The following COPA variants were observed in gnomAD, a reference collection of about 807,000 sequenced individuals.
The protein encoded by COPA is coatomer subunit alpha.
A neutral mutation model predicts 158.7 loss-of-function variants in COPA; 10 were observed. That is an observed-to-expected ratio of 0.06 (90% CI 0.04 to 0.11). COPA has a LOEUF of 0.11. Among genes scored for constraint, COPA ranks in the 10% least tolerant of loss-of-function variants. The pLI is 1.00. For synonymous variants in COPA, 462 were observed against 542.8 expected, an observed-to-expected ratio of 0.85 and a Z score of 2.07; for missense variants, 1,065 against 1,536.7, an observed-to-expected ratio of 0.69 and a Z score of 5.13.
Position 160,291,711 on chromosome 1 carries a change from T to C in COPA, c.3258+108A>G, listed in dbSNP as rs542810865. The C allele has an allele frequency of 2.8e-5, 35 of 1,245,828 alleles. No homozygotes were observed. The African/African-American group carries it at 4.5e-4, about 16-fold the overall frequency. 77.2% of individuals were successfully genotyped at this position (1,245,828 alleles called of 1,614,324 possible). A position where few individuals can be genotyped will look rare whatever the true frequency, so the allele number is the denominator to read the frequency against. On this transcript the variant is annotated intron_variant, in intron 30 of 32. Coordinates refer to ENST00000241704, the MANE Select transcript of COPA (RefSeq NM_004371.4). ...CCCTCATAGAAATGAAGGGCCTAAATTTCTCTTCATCCCCACTCAGATCTG... is the reference window on the plus strand; with the variant it reads ...CCCTCATAGAAATGAAGGGCCTAAACTTCTCTTCATCCCCACTCAGATCTG...
At chr1:160,291,120 G>T (rs1171204084) in intron 31 of COPA, among the ~76,000 whole-genome samples, 1 of 152,160 alleles carries the variant, frequency 6.6e-6, no homozygotes, top group East Asian at 1.9e-4. Context: ...AGGTTGCACG[G>T]CACTCTTAGA....
At chr1:160,317,596 T>C in intron 8 of COPA, 1 of 1,578,064 alleles carries the variant, frequency 6.3e-7, no homozygotes, top group Non-Finnish European at 8.7e-7. Context: ...CAGGTTTCTC[T>C]TTGAGGGTCA....
In COPA at chr1:160,291,909, A is replaced by T. The variant is rs780105530; in HGVS notation, c.3168T>A (p.Ile1056=). ...ACAAACCCACAATGTACTCACGGCAAATGGTGATGAGCTGCTGGGCCTGTA... is the reference window on the plus strand; with the variant it reads ...ACAAACCCACAATGTACTCACGGCATATGGTGATGAGCTGCTGGGCCTGTA... ...EIAEAQQLIT[I]CREYIVGLSV... The change falls in exon 30 of 33, where the codon ATT becomes ATA. Residue 1056 remains isoleucine (I), a synonymous_variant. Transcript: ENST00000241704. 2 of 1,614,098 alleles carry T rather than the reference A, an allele frequency of 1.2e-6. No individual in the cohort carries two copies. The highest frequency in any genetic ancestry group is 1.7e-6 in the Non-Finnish European group (2 of 1,180,034).
chr1:160,339,149 CAT>C lies in COPA; in HGVS notation c.228+758_228+759del, dbSNP rs144599934. The stretch of plus-strand genomic sequence containing the variant: ...TTGGCCCTTATTTCTCCTTATTGGC[CAT>C]CTCATTTATTTCTCCTTATTGGCCA... On this transcript the variant is annotated intron_variant, in intron 3 of 32. Transcript: ENST00000241704. Among the ~76,000 whole-genome samples the C allele has an allele frequency of 3.5e-3, 415 of 119,546 alleles. 3 individuals are homozygous for C. Among genetic ancestry groups the C allele is most frequent in the East Asian group, 0.03 (131 of 4,310 alleles). The allele number at this position is 119,546 out of a possible 152,430, so 78.4% of individuals were successfully genotyped here. A position where few individuals can be genotyped will look rare whatever the true frequency, so the allele number is the denominator to read the frequency against.
At chr1:160,327,236 A>G (rs2101865167) in intron 6 of COPA, among the ~76,000 whole-genome samples, 1 of 152,332 alleles carries the variant, frequency 6.6e-6, no homozygotes, top group Admixed American at 6.5e-5. Context: ...AAAAACTCTC[A>G]TTGAAAATAA....
rs1235570677 is a variant in COPA at position 160,293,408 on chromosome 1, G to A, written c.2732C>T (p.Thr911Ile). Residue 911 changes from threonine (T) to isoleucine (I), a missense_variant, in exon 26 of 33, where the codon ACC becomes ATC. Physicochemically the swap from Thr to Ile is moderately conservative, Grantham distance 89. This residue lies in a region of COPA where 980 missense variants were observed against 1,357.8 expected (regional missense o/e 0.72). Transcript: ENST00000241704. ...GAEDGFFVPP[T>I]KGTSPTQIWC... ...TACCTGAGTTGGACTTGTTCCCTTG[G>A]TTGGGGGCACAAAGAAACCATCTTC... 1.2e-6 allele frequency: 2 copies of A among 1,613,034 alleles called. No homozygotes were observed. The highest frequency in any genetic ancestry group is 2.2e-5 in the South Asian group (2 of 90,768).
At position 160,306,425 on chromosome 1, in the gene COPA, G is replaced by A. The variant is rs1658787878; in HGVS notation, c.1371C>T (p.Phe457=). 1 of 1,614,166 alleles carries A rather than the reference G, an allele frequency of 6.2e-7. No homozygotes were observed. Among genetic ancestry groups the A allele is most frequent in the Non-Finnish European group, 8.5e-7 (1 of 1,180,024 alleles). ...GCAGGAGATTGCCTGTGCCAGCATA[G>A]AAGATCTCATCACAGTTGGGCACCT... ...KVQVPNCDEI[F]YAGTGNLLLR... The change falls in exon 15 of 33, where the codon TTC becomes TTT. Residue 457 remains phenylalanine, a synonymous_variant. Coordinates refer to ENST00000241704, the MANE Select transcript of COPA (RefSeq NM_004371.4).
At chr1:160,293,058 C>T (rs1396077328) in intron 27 of COPA, 108 bp downstream of exon 27, 8 of 1,106,204 alleles carry the variant, frequency 7.2e-6, no homozygotes, top group Non-Finnish European at 1.1e-5. Context: ...GAAAAATATA[C>T]ACCTTTCCCC....
In COPA at chr1:160,293,188, C is replaced by T. The variant is rs1188958445; in HGVS notation, c.2801G>A (p.Gly934Asp). The T allele has an allele frequency of 6.2e-7, 1 of 1,614,056 alleles. No individual in the cohort carries two copies. The highest frequency in any genetic ancestry group is 1.3e-5 in the African/African-American group (1 of 74,914). ...SQLPVDHILA[G>D]SFETAMRLLH... Reference sequence around the variant, plus strand: ...TACCCGCATGGCTGTTTCGAAAGAGCCTGCCAGGATGTGATCAACTGGAAG... The same window carrying T: ...TACCCGCATGGCTGTTTCGAAAGAGTCTGCCAGGATGTGATCAACTGGAAG... Residue 934 changes from glycine to aspartate, a missense_variant, in exon 27 of 33, where the codon GGC becomes GAC. By Grantham distance (94) the Gly-to-Asp change is moderately conservative (BLOSUM62 -1). Coordinates refer to ENST00000241704, the MANE Select transcript of COPA (RefSeq NM_004371.4).
In COPA at chr1:160,291,998, C is replaced by G. The variant is rs374900234; in HGVS notation, c.3147+14G>C. The G allele has an allele frequency of 2.2e-5, 36 of 1,613,964 alleles. No individual in the cohort carries two copies. Among genetic ancestry groups the G allele is most frequent in the Non-Finnish European group, 3.1e-5 (36 of 1,179,980 alleles). The stretch of plus-strand genomic sequence containing the variant: ...GAAGTGCCCAGAACTGGGACAGCGG[C>G]TAGACCCTCCTACCTCTGCAATCTC... On this transcript the variant is annotated intron_variant, in intron 29 of 32. Coordinates refer to ENST00000241704, the MANE Select transcript of COPA (RefSeq NM_004371.4).
Position 160,292,576 on chromosome 1 carries a change from C to G in COPA, c.2868G>C (p.Lys956Asn). The change falls in exon 28 of 33, where the codon AAG becomes AAC. Residue 956 changes from lysine (K) to asparagine (N), a missense_variant. Around this residue, in one of 2 missense-constraint regions of COPA, gnomAD observed 980 missense variants for 1,357.8 expected, o/e 0.72. Transcript: ENST00000241704. ...GGGCGTATGTCTGTAGGAACAGTTG[C>G]TTGTAGGGGCCAAACTGGATTACCC... ...QVGVIQFGPYKQLFLQTYARG... is the reference protein window; with the variant it reads ...QVGVIQFGPYNQLFLQTYARG... The G allele has an allele frequency of 6.2e-7, 1 of 1,613,808 alleles. No individual in the cohort carries two copies. Among genetic ancestry groups the G allele is most frequent in the Non-Finnish European group, 8.5e-7 (1 of 1,179,922 alleles).
At chr1:160,330,119 C>T (rs1279140450) in intron 6 of COPA, among the ~76,000 whole-genome samples, 2 of 151,814 alleles carry the variant, frequency 1.3e-5, no homozygotes, top group African/African-American at 4.8e-5. Flanking sequence ...TCCCCACCGC[C>T]ACCCCCCCCA....
intron 31 of COPA, 96 bp downstream of exon 31, chr1:160,291,235 GTTAT>G: frequency 7.6e-7 from 1 of 1,317,992 alleles, no homozygotes; most frequent in East Asian, 2.3e-5. Flanking sequence ...GTTGAATGTT[GTTAT>G]TTATTGCTTT....
At position 160,313,001 on chromosome 1, in the gene COPA, T is replaced by C. The variant is rs939799025; in HGVS notation, c.925+84A>G. On this transcript the variant is annotated intron_variant, in intron 10 of 32. Transcript: ENST00000241704. ...TTCTTCTTGTCATCCTACTATACAT[T>C]TACTAGAGACAAAGCTAATAATCAC... 26 of 1,246,434 alleles carry C rather than the reference T, an allele frequency of 2.1e-5. No homozygotes were observed. The African/African-American group carries it at 3.9e-4, about 19-fold the overall frequency. The allele number at this position is 1,246,434 out of a possible 1,614,324, so 77.2% of individuals were successfully genotyped here. A position where few individuals can be genotyped will look rare whatever the true frequency, so the allele number is the denominator to read the frequency against.
rs769256606 is a variant in COPA at position 160,298,919 on chromosome 1, G to C, written c.1903C>G (p.Pro635Ala). 8 of 1,614,066 alleles carry C rather than the reference G, an allele frequency of 5.0e-6. No homozygotes were observed. The South Asian group carries it at 8.8e-5, about 18-fold the overall frequency. ...IIAYLQKKGY[P>A]EVALHFVKDE... ...TTGACAAAATGCAGTGCCACTTCAG[G>C]ATAGCCCTTCTTCTGGAGATAAGCA... is the stretch of plus-strand genomic sequence containing the variant. Residue 635 changes from proline (P) to alanine (A), a missense_variant, in exon 19 of 33, where the codon CCT becomes GCT. Physicochemically the swap from Pro to Ala is conservative, Grantham distance 27 (BLOSUM62 -1). Coordinates refer to ENST00000241704, the MANE Select transcript of COPA (RefSeq NM_004371.4).
intron 7 of COPA, 34 bp downstream of exon 7, chr1:160,325,509 C>T: frequency 1.3e-6 from 2 of 1,531,726 alleles, no homozygotes; most frequent in South Asian, 2.2e-5. Flanking sequence ...AAGATGACAG[C>T]CCATATTCAG....
At chr1:160,316,755 A>G (rs1659155347) in intron 8 of COPA, among the ~76,000 whole-genome samples, 1 of 152,102 alleles carries the variant, frequency 6.6e-6, no homozygotes, top group African/African-American at 2.4e-5. Context: ...TGTCTCAAAA[A>G]AAAAAAAAAA....
Position 160,306,454 on chromosome 1 carries a change from C to A in COPA, c.1342G>T (p.Val448Leu). The A allele has an allele frequency of 6.2e-7, 1 of 1,614,176 alleles. No homozygotes were observed. The highest frequency in any genetic ancestry group is 8.5e-7 in the Non-Finnish European group (1 of 1,180,032). The change falls in exon 15 of 33, where the codon GTA becomes TTA. Residue 448 changes from valine to leucine, a missense_variant. Transcript: ENST00000241704. The stretch of plus-strand genomic sequence containing the variant: ...ATCTCATCACAGTTGGGCACCTGTA[C>A]CTTTTTGGTGATCTCATTCTTCAGA... ...KNLKNEITKK[V>L]QVPNCDEIFY...
At chr1:160,299,390 T>C (rs1658522748) in intron 17 of COPA, 126 bp from the exon 18 acceptor site, 2 of 937,516 alleles carry the variant, frequency 2.1e-6, no homozygotes, top group Admixed American at 2.9e-5. Flanking sequence ...TGGGAAGTGA[T>C]TCAAAAAAGA....
Sources: allele counts gnomAD v4.1 joint callset (sites outside exome capture counted in the v4.1 genomes callset), GRCh38; gene constraint gnomAD v4.1.1; regional missense constraint gnomAD v4.1.1; transcripts MANE v1.5; gene names NCBI Gene and HGNC (gene_info 2026-07-23, HGNC 2026-07-21).